Variants in RAD51B observed in about 807,000 individuals in gnomAD.
RAD51B encodes DNA repair protein RAD51 homolog 2.
Under a neutral mutation model 42.2 loss-of-function variants are expected in RAD51B, and 38 were observed. The ratio of observed to expected loss-of-function variants is 0.90; its 90% confidence interval spans 0.70 to 1.18. The LOEUF (loss-of-function observed/expected upper bound fraction) is 1.18. Among genes scored for constraint, RAD51B ranks in the 50% most tolerant of loss-of-function variants. The pLI is 0.00. For missense variants in RAD51B, 373 were observed against 400.7 expected (o/e 0.93, Z 0.59); for synonymous variants, 154 against 145.2 (o/e 1.06, Z -0.43).
chr14:68,249,323 A>C (rs1466439852), intron 7 of RAD51B, among the ~76,000 whole-genome samples: 1 of 152,234 alleles, frequency 6.6e-6, no homozygotes, highest in African/African-American at 2.4e-5. Flanking sequence ...AAAAGAAAAG[A>C]ATAGCATTAA....
In RAD51B at chr14:68,443,842, A is replaced by T. The variant is rs933115746; in HGVS notation, c.958-24330A>T. Among the ~76,000 whole-genome samples the T allele has an allele frequency of 8.1e-5, 10 of 123,474 alleles. No individual in the cohort carries two copies. The East Asian group carries it at 1.2e-3, about 15-fold the overall frequency. 81.0% of individuals were successfully genotyped at this position (123,474 alleles called of 152,430 possible). ...TATATGAAAACATGAATTTGTGTTT[A>T]AAAAAAAAAAACAAAACTTTCTGCT... is the stretch of plus-strand genomic sequence containing the variant. On this transcript the variant is annotated intron_variant, in intron 9 of 10. Transcript: ENST00000471583.
chr14:68,046,418 T>G (rs2076301116), intron 7 of RAD51B, among the ~76,000 whole-genome samples: 1 of 152,188 alleles, frequency 6.6e-6, no homozygotes, highest in Non-Finnish European at 1.5e-5. Context: ...TGCTTGGCCC[T>G]AAAACTTTTA....
At chr14:68,165,892 A>G (rs1371065870) in intron 7 of RAD51B, among the ~76,000 whole-genome samples, 2 of 152,204 alleles carry the variant, frequency 1.3e-5, no homozygotes, top group Admixed American at 1.3e-4. Context: ...CATAGTACAT[A>G]AAAGAAATAG....
intron 11 of RAD51B, among the ~76,000 whole-genome samples, chr14:68,654,198 A>C (rs1892761846): frequency 6.6e-6 from 1 of 152,226 alleles, no homozygotes; most frequent in Non-Finnish European, 1.5e-5. Context: ...CGTGCAGGAT[A>C]TCTGAGTGGA....
intron 10 of RAD51B, chr14:68,541,432 A>G: frequency 3.0e-6 from 3 of 985,416 alleles, no homozygotes; most frequent in Non-Finnish European, 3.6e-6. Flanking sequence ...GTGCATCAGA[A>G]TCAATTAATC....
At chr14:68,387,749 C>T (rs914579072) in intron 8 of RAD51B, among the ~76,000 whole-genome samples, 3 of 152,152 alleles carry the variant, frequency 2.0e-5, no homozygotes, top group Non-Finnish European at 4.4e-5. Context: ...TACACACACA[C>T]TATCTCTTAC....
chr14:68,582,622 A>T (rs1386618020), intron 10 of RAD51B, among the ~76,000 whole-genome samples: 1 of 152,224 alleles, frequency 6.6e-6, no homozygotes, highest in Non-Finnish European at 1.5e-5. Context: ...AGAACCAGAA[A>T]TACCATTTGA....
intron 7 of RAD51B, among the ~76,000 whole-genome samples, chr14:68,078,731 C>T (rs1478699017): frequency 2.6e-5 from 4 of 152,054 alleles, no homozygotes; most frequent in Non-Finnish European, 1.5e-5. Flanking sequence ...GGCTCATGCC[C>T]GTAGTCCCAG....
intron 10 of RAD51B, among the ~76,000 whole-genome samples, chr14:68,649,690 C>A (rs759436655): frequency 4.6e-5 from 7 of 152,172 alleles, no homozygotes; most frequent in Non-Finnish European, 1.0e-4. Context: ...TTGGTCCAGT[C>A]ATGTGTGAAG....
chr14:68,648,106 CACACACGTATATATATAT>C (rs747450951), intron 10 of RAD51B, among the ~76,000 whole-genome samples: 44,348 of 76,908 alleles, frequency 0.58, 11,673 homozygotes, highest in East Asian at 0.72. Flanking sequence ...TATATATATA[CACACACGTATATATATAT>C]ACACACACGT....
intron 7 of RAD51B, among the ~76,000 whole-genome samples, chr14:67,950,031 A>G (rs2074414963): frequency 6.6e-6 from 1 of 152,150 alleles, no homozygotes; most frequent in South Asian, 2.1e-4. Context: ...CAGGCCGAGT[A>G]GATTTAGCAT....
At chr14:68,099,122 G>C (rs759817005) in intron 7 of RAD51B, among the ~76,000 whole-genome samples, 1 of 152,278 alleles carries the variant, frequency 6.6e-6, no homozygotes, top group East Asian at 1.9e-4. Flanking sequence ...ACCCTAACTT[G>C]GGAAAGTCTC....
intron 7 of RAD51B, among the ~76,000 whole-genome samples, chr14:68,170,704 A>G (rs961211204): frequency 2.6e-5 from 4 of 151,974 alleles, no homozygotes; most frequent in East Asian, 1.9e-4. Flanking sequence ...TTTTTTGTCA[A>G]AGGAATTTTA....
chr14:68,231,292 T>C (rs1216184996), intron 7 of RAD51B, among the ~76,000 whole-genome samples: 1 of 152,210 alleles, frequency 6.6e-6, no homozygotes, highest in Non-Finnish European at 1.5e-5. Context: ...CTAATTTCTT[T>C]CTTATCCTTA....
chr14:67,946,801 C>G (rs886306710), intron 7 of RAD51B, among the ~76,000 whole-genome samples: 1 of 152,178 alleles, frequency 6.6e-6, no homozygotes, highest in Admixed American at 6.5e-5. Flanking sequence ...CTTCTGTCTT[C>G]CCTATCTTCT....
intron 9 of RAD51B, among the ~76,000 whole-genome samples, chr14:68,419,485 A>C (rs1338111402): frequency 6.6e-6 from 1 of 152,206 alleles, no homozygotes. Context: ...TTACAAGATA[A>C]AAGTCATCTT....
At chr14:68,146,383 C>T (rs1248391359) in intron 7 of RAD51B, among the ~76,000 whole-genome samples, 1 of 152,036 alleles carries the variant, frequency 6.6e-6, no homozygotes, top group African/African-American at 2.4e-5. Flanking sequence ...CAAGATGGCG[C>T]CACTGCACTC....
chr14:67,958,843 C>T (rs1374883039), intron 7 of RAD51B, among the ~76,000 whole-genome samples: 2 of 152,192 alleles, frequency 1.3e-5, no homozygotes, highest in Non-Finnish European at 2.9e-5. Flanking sequence ...ATGGACACAA[C>T]TATTAAGTTT....
intron 9 of RAD51B, among the ~76,000 whole-genome samples, chr14:68,427,298 C>T (rs768041439): frequency 6.6e-6 from 1 of 152,172 alleles, no homozygotes; most frequent in African/African-American, 2.4e-5. Context: ...ACTTGAGACT[C>T]CAGAACTGCA....
Sources: allele counts gnomAD v4.1 joint callset (sites outside exome capture counted in the v4.1 genomes callset), GRCh38; gene constraint gnomAD v4.1.1; transcripts MANE v1.5; gene names NCBI Gene and HGNC (gene_info 2026-07-23, HGNC 2026-07-21).